SFSWAP: variants seen among roughly 807,000 people sequenced by gnomAD.
The protein encoded by SFSWAP is splicing factor, suppressor of white-apricot homolog.
Under a neutral mutation model 100.7 loss-of-function variants are expected in SFSWAP, and 17 were observed. The observed-to-expected ratio is 0.17, with a 90% CI of 0.12 to 0.25. SFSWAP has a LOEUF of 0.25. SFSWAP is among the 10% of genes least tolerant of loss of function. The pLI, the probability that SFSWAP is intolerant of heterozygous loss-of-function variation, is 1.00. For synonymous variants in SFSWAP, 504 were observed against 510.1 expected, an observed-to-expected ratio of 0.99 and a Z score of 0.16; for missense variants, 1,005 against 1,262.6, an observed-to-expected ratio of 0.80 and a Z score of 3.09.
intron 7 of SFSWAP, among the ~76,000 whole-genome samples, chr12:131,729,667 C>T (rs772537358): frequency 1.3e-5 from 2 of 152,140 alleles, no homozygotes; most frequent in South Asian, 2.1e-4. Flanking sequence ...TTGGTTCCAG[C>T]GTCAGGTCTT....
At chr12:131,759,321 G>A (rs1450833518) in intron 11 of SFSWAP, among the ~76,000 whole-genome samples, 2 of 152,152 alleles carry the variant, frequency 1.3e-5, no homozygotes, top group African/African-American at 4.8e-5. Flanking sequence ...AACCCAGGCA[G>A]TCAGCCAAGA....
chr12:131,761,121 C>T (rs1255412824), intron 11 of SFSWAP, among the ~76,000 whole-genome samples: 3 of 152,142 alleles, frequency 2.0e-5, no homozygotes, highest in African/African-American at 7.2e-5. Context: ...ATTTTACACA[C>T]GTGTGCCATT....
intron 9 of SFSWAP, 94 bp downstream of exon 9, chr12:131,754,593 T>A (rs370942854): frequency 4.4e-5 from 42 of 949,746 alleles, no homozygotes; most frequent in African/African-American, 2.4e-4. Context: ...TTAATTTTTT[T>A]ATATATTTTT....
In SFSWAP at chr12:131,791,237, AT is replaced by A. The variant is rs1319722882; in HGVS notation, c.2534+4650del. Among the ~76,000 whole-genome samples the A allele has an allele frequency of 3.3e-5, 5 of 152,236 alleles. No individual in the cohort carries two copies. In the East Asian group the frequency reaches 9.7e-4, roughly 29 times the overall value. On this transcript the variant is annotated intron_variant, in intron 15 of 17. Transcript: ENST00000261674. ...GTGAAACCCCGTCACTACTAAAAAT[AT>A]AAAAATTAGGTGTGGTGGCAAGTGC...
At chr12:131,720,551 G>A (rs1055516082) in intron 4 of SFSWAP, among the ~76,000 whole-genome samples, 2 of 152,186 alleles carry the variant, frequency 1.3e-5, no homozygotes, top group Admixed American at 1.3e-4. Flanking sequence ...TGGCATCGAT[G>A]CAGGCATTCT....
chr12:131,726,943 C>T lies in SFSWAP; in HGVS notation c.836C>T (p.Ser279Leu), dbSNP rs774774230. The T allele has an allele frequency of 1.9e-6, 3 of 1,561,078 alleles. No individual in the cohort carries two copies. The African/African-American group carries it at 4.1e-5, about 21-fold the overall frequency. The change falls in exon 6 of 18, where the codon TCA (serine) becomes TTA (leucine). Residue 279 changes from serine (S) to leucine (L), a missense_variant. By Grantham distance (145) the Ser-to-Leu change is moderately radical. Transcript: ENST00000261674. Reference sequence around the variant, plus strand: ...TGAAATGTGATTTTGATTTCAGAATCAGGAGTCAGCTCTGACAATGAAGAT... The same window carrying T: ...TGAAATGTGATTTTGATTTCAGAATTAGGAGTCAGCTCTGACAATGAAGAT... The part of the protein sequence containing the change: ...AENKSDEKKK[S>L]GVSSDNEDDD...
chr12:131,743,965 T>G (rs1333650406), intron 7 of SFSWAP, among the ~76,000 whole-genome samples: 2 of 152,230 alleles, frequency 1.3e-5, no homozygotes, highest in Non-Finnish European at 2.9e-5. Context: ...AGCCACAGCC[T>G]AAGCTGTACC....
chr12:131,714,695 T>C lies in SFSWAP; in HGVS notation c.389-127T>C. ...ATAAAGTGTGAATTTTTAAAACTAT[T>C]TTACCTCAAAAGTAGGTTGAAAAAA... On this transcript the variant is annotated intron_variant, in intron 2 of 17. Transcript: ENST00000261674. This position sits in a 1 kb window ranked among gnomAD's most constrained non-coding sequence, Gnocchi z 6.0. 1 of 818,196 alleles carries C rather than the reference T, an allele frequency of 1.2e-6. No homozygotes were observed. The highest frequency in any genetic ancestry group is 1.8e-5 in the South Asian group (1 of 54,798). 50.7% of individuals were successfully genotyped at this position (818,196 alleles called of 1,614,324 possible).
rs1315223028 is a variant in SFSWAP at position 131,726,984 on chromosome 12, G to T, written c.877G>T (p.Asp293Tyr). 1.2e-6 allele frequency: 2 copies of T among 1,607,856 alleles called. No individual in the cohort carries two copies. Among genetic ancestry groups the T allele is most frequent in the African/African-American group, 2.7e-5 (2 of 74,638 alleles). ...CAATGAAGATGATGATGATGAAGAA[G>T]ATGGGAATTACCTTCATCCCTCTCT... ...SDNEDDDDEE[D>Y]GNYLHPSLFA... is the part of the protein sequence containing the mutation. Residue 293 changes from aspartate (D) to tyrosine (Y), a missense_variant, in exon 6 of 18, where the codon GAT becomes TAT. Physicochemically the swap from Asp to Tyr is radical, Grantham distance 160. Coordinates refer to ENST00000261674, the MANE Select transcript of SFSWAP (RefSeq NM_004592.4).
At chr12:131,768,190 G>T (rs778679778) in intron 13 of SFSWAP, among the ~76,000 whole-genome samples, 3 of 152,272 alleles carry the variant, frequency 2.0e-5, no homozygotes, top group Non-Finnish European at 4.4e-5. Flanking sequence ...ACTGCATGCA[G>T]ATTGTCCACC....
Position 131,756,606 on chromosome 12 carries a change from C to T in SFSWAP, c.1682C>T (p.Ser561Leu), listed in dbSNP as rs761916541. ...RAGSGGKKEA[S>L]SSKTVPDGKL... The stretch of plus-strand genomic sequence containing the variant: ...GGCTCAGGCGGGAAGAAGGAGGCAT[C>T]GTCCAGTAAGACCGTCCCGGACGGG... The change falls in exon 11 of 18, where the codon TCG (serine) becomes TTG (leucine). Residue 561 changes from serine to leucine, a missense_variant. Ser to Leu is a moderately radical substitution (Grantham distance 145, BLOSUM62 -2). Around this residue, in one of 7 missense-constraint regions of SFSWAP, gnomAD observed 311 missense variants for 317.8 expected, o/e 0.98. Transcript: ENST00000261674. 3.1e-6 allele frequency: 5 copies of T among 1,611,614 alleles called. No homozygotes were observed. The highest frequency in any genetic ancestry group is 2.2e-5 in the South Asian group (2 of 90,776).
chr12:131,751,569 C>A (rs1881631266), intron 7 of SFSWAP, among the ~76,000 whole-genome samples: 1 of 152,290 alleles, frequency 6.6e-6, no homozygotes, highest in Non-Finnish European at 1.5e-5. Flanking sequence ...AGCCTGATGG[C>A]TCCAGCAGGG....
chr12:131,717,035 T>C (rs1877982991), intron 3 of SFSWAP, among the ~76,000 whole-genome samples: 1 of 152,194 alleles, frequency 6.6e-6, no homozygotes, highest in Non-Finnish European at 1.5e-5. Context: ...TAATGGAAAT[T>C]GGGCCCACAT....
At chr12:131,784,877 T>C in intron 14 of SFSWAP, 1 of 447,152 alleles carries the variant, frequency 2.2e-6, no homozygotes. Flanking sequence ...AATGGTATTG[T>C]ATTTCAAAGT....
intron 7 of SFSWAP, among the ~76,000 whole-genome samples, chr12:131,745,003 G>C (rs1297506584): frequency 6.6e-6 from 1 of 152,146 alleles, no homozygotes; most frequent in Non-Finnish European, 1.5e-5. Flanking sequence ...CCTCCTACCA[G>C]GCTCCTCCCA....
chr12:131,791,737 G>A (rs375517915), intron 15 of SFSWAP, among the ~76,000 whole-genome samples: 2 of 152,164 alleles, frequency 1.3e-5, no homozygotes, highest in African/African-American at 4.8e-5. Flanking sequence ...GCAAGACTCC[G>A]TCTCAAAAAA....
intron 7 of SFSWAP, among the ~76,000 whole-genome samples, chr12:131,742,680 A>T (rs1880762763): frequency 3.3e-5 from 5 of 152,004 alleles, no homozygotes; most frequent in Admixed American, 3.3e-4. Context: ...TTACAACAAA[A>T]TACAGTGTGG....
intron 15 of SFSWAP, among the ~76,000 whole-genome samples, chr12:131,787,748 C>A (rs894260948): frequency 1.2e-4 from 18 of 152,172 alleles, no homozygotes; most frequent in South Asian, 2.1e-4. Flanking sequence ...CACTGCCTAG[C>A]CACAAGGCAC....
intron 8 of SFSWAP, chr12:131,753,617 G>T (rs948570760): frequency 1.9e-6 from 1 of 529,898 alleles, no homozygotes; most frequent in East Asian, 2.9e-5. Context: ...GCTGGCCCCA[G>T]ATCTCCAGCA....
Sources: allele counts gnomAD v4.1 joint callset (sites outside exome capture counted in the v4.1 genomes callset), GRCh38; gene constraint gnomAD v4.1.1; regional missense constraint gnomAD v4.1.1; non-coding constraint Gnocchi (gnomAD v3.1); transcripts MANE v1.5; gene names NCBI Gene and HGNC (gene_info 2026-07-23, HGNC 2026-07-21).